Variants in KCNC1 observed in about 807,000 individuals in gnomAD.
The protein encoded by KCNC1 is voltage-gated potassium channel KCNC1.
In KCNC1, 8 loss-of-function variants were observed where a neutral mutation model predicts 43.4. That is an observed-to-expected ratio of 0.18 (90% CI 0.11 to 0.33). The LOEUF (loss-of-function observed/expected upper bound fraction) is 0.33. Ranked by LOEUF, KCNC1 falls within the 10% of genes least tolerant of loss-of-function variation. The probability of loss-of-function intolerance (pLI) is 1.00; values close to 1 mark genes in which losing one functional copy is unlikely to be tolerated. For missense variants in KCNC1, 420 were observed against 836.0 expected (o/e 0.50, Z 6.14); for synonymous variants, 361 against 360.5 (o/e 1.00, Z -0.01).
At chr11:17,769,444 G>C (rs1849196596) in intron 1 of KCNC1, among the ~76,000 whole-genome samples, 1 of 151,838 alleles carries the variant, frequency 6.6e-6, no homozygotes, top group Non-Finnish European at 1.5e-5. Flanking sequence ...AGAAGGGAGG[G>C]AGGATGAGTG....
chr11:17,744,605 C>T lies in KCNC1; in HGVS notation c.570+8033C>T, dbSNP rs1200831441. Among the ~76,000 whole-genome samples, 8 of 152,154 alleles carry T rather than the reference C, an allele frequency of 5.3e-5. No homozygotes were observed. The East Asian group carries it at 1.4e-3, about 26-fold the overall frequency. On this transcript the variant is annotated intron_variant, in intron 1 of 3. Coordinates refer to ENST00000265969, the MANE Select transcript of KCNC1 (RefSeq NM_001112741.2). ...TCCAGGCCCTTCTCTTCGCTTCCTGCCCTTAGGGAGCTGCAGAAAGGCCCA... is the reference window on the plus strand; with the variant it reads ...TCCAGGCCCTTCTCTTCGCTTCCTGTCCTTAGGGAGCTGCAGAAAGGCCCA...
chr11:17,746,455 C>G (rs1417512232), intron 1 of KCNC1, among the ~76,000 whole-genome samples: 6 of 152,204 alleles, frequency 3.9e-5, no homozygotes, highest in Admixed American at 3.9e-4. Context: ...CCGAGTCTGA[C>G]TTCTCCTGGA....
At position 17,772,631 on chromosome 11, in the gene KCNC1, C is replaced by T. The variant is rs767321731; in HGVS notation, c.1504+33C>T. 10 of 1,602,276 alleles carry T rather than the reference C, an allele frequency of 6.2e-6. No individual in the cohort carries two copies. Among genetic ancestry groups the T allele is most frequent in the Non-Finnish European group, 6.0e-6 (7 of 1,173,350 alleles). ...ACCTCTTAGAGGCATGTCGATCTGA[C>T]CTTTCACCTCTGCCCCCTGTAGCGA... On this transcript the variant is annotated intron_variant, in intron 2 of 3. Coordinates refer to ENST00000265969, the MANE Select transcript of KCNC1 (RefSeq NM_001112741.2).
At chr11:17,748,208 G>A (rs1012105) in intron 1 of KCNC1, among the ~76,000 whole-genome samples, 83,949 of 152,028 alleles carry the variant, frequency 0.55, 25,491 homozygotes, top group East Asian at 0.88. Flanking sequence ...CACTGTGAGC[G>A]CAGGTCATAT....
rs549590138 is a variant in KCNC1 at position 17,757,034 on chromosome 11, A to G, written c.571-14631A>G. Among the ~76,000 whole-genome samples, 3 of 152,322 alleles carry G rather than the reference A, an allele frequency of 2.0e-5. No homozygotes were observed. In the South Asian group the frequency reaches 6.2e-4, roughly 32 times the overall value. Reference sequence around the variant, plus strand: ...TTTAATCTGCAAAATGGAGGTAATGATGCCTCCTTCGGAGAGGCTTTTAAA... The same window carrying G: ...TTTAATCTGCAAAATGGAGGTAATGGTGCCTCCTTCGGAGAGGCTTTTAAA... On this transcript the variant is annotated intron_variant, in intron 1 of 3. Coordinates refer to ENST00000265969, the MANE Select transcript of KCNC1 (RefSeq NM_001112741.2).
intron 1 of KCNC1, among the ~76,000 whole-genome samples, chr11:17,757,199 G>A (rs1849032340): frequency 3.3e-5 from 4 of 121,860 alleles, no homozygotes; most frequent in Admixed American, 1.0e-4. Flanking sequence ...AGGGTAAAAT[G>A]TGCCATCCAT....
In KCNC1 at chr11:17,772,015, G is replaced by C; in HGVS notation, c.921G>C (p.Leu307=). 1 of 1,613,852 alleles carries C rather than the reference G, an allele frequency of 6.2e-7. No homozygotes were observed. The highest frequency in any genetic ancestry group is 1.1e-5 in the South Asian group (1 of 91,078). The change falls in exon 2 of 4, where the codon CTG becomes CTC. Residue 307 remains leucine (L), a synonymous_variant. Transcript: ENST00000265969. The stretch of plus-strand genomic sequence containing the variant: ...CCTCCAAGGCAGCCAAGGACGTGCT[G>C]GGCTTCCTGCGCGTCGTCCGCTTCG... ...GLSSKAAKDV[L]GFLRVVRFVR... is the part of the protein sequence containing the mutation.
chr11:17,779,412 AAC>A lies in KCNC1; in HGVS notation c.1505-42_1505-41del. Reference sequence around the variant, plus strand: ...GCCTGTCCCCCCCTGCCCCCCACTAAACAGTTTTCAGTGTCTCAATAGCTTCT... The same window carrying A: ...GCCTGTCCCCCCCTGCCCCCCACTAAAGTTTTCAGTGTCTCAATAGCTTCT... On this transcript the variant is annotated intron_variant, in intron 2 of 3. Transcript: ENST00000265969. This position sits in a 1 kb window ranked among gnomAD's most constrained non-coding sequence, Gnocchi z 7.2. The A allele has an allele frequency of 7.0e-7, 1 of 1,419,734 alleles. No homozygotes were observed. The highest frequency in any genetic ancestry group is 1.6e-5 in the South Asian group (1 of 63,646). 87.9% of individuals were successfully genotyped at this position (1,419,734 alleles called of 1,614,324 possible). A position where few individuals can be genotyped will look rare whatever the true frequency, so the allele number is the denominator to read the frequency against.
rs1338538303 is a variant in KCNC1, at chr11:17,734,959, C to G, written c.-1044C>G. On this transcript the variant is annotated 5_prime_UTR_variant, in exon 1 of 4. Transcript: ENST00000265969. ...CCTCCCCGCCCGACCTCCGCAGCCCCCGTCTCGGCCGGCAGCGCCCACCGC... is the reference window on the plus strand; with the variant it reads ...CCTCCCCGCCCGACCTCCGCAGCCCGCGTCTCGGCCGGCAGCGCCCACCGC... 1.3e-5 allele frequency: 2 copies of G among 151,186 alleles called. No individual in the cohort carries two copies. The highest frequency in any genetic ancestry group is 4.8e-5 in the African/African-American group (2 of 41,382). The allele number at this position is 151,186 out of a possible 1,614,324, so 9.4% of individuals were successfully genotyped here. A position where few individuals can be genotyped will look rare whatever the true frequency, so the allele number is the denominator to read the frequency against.
At chr11:17,738,307 A>T (rs1848794200) in intron 1 of KCNC1, among the ~76,000 whole-genome samples, 1 of 119,156 alleles carries the variant, frequency 8.4e-6, no homozygotes, top group Admixed American at 9.5e-5. Context: ...ATGTAACTGG[A>T]GGCTGTGGCT....
rs887180585 is a variant in KCNC1, at chr11:17,771,641, G to A, written c.571-24G>A. 6.3e-7 allele frequency: 1 copy of A among 1,583,126 alleles called. No individual in the cohort carries two copies. Among genetic ancestry groups the A allele is most frequent in the Non-Finnish European group, 8.6e-7 (1 of 1,158,870 alleles). On this transcript the variant is annotated intron_variant, in intron 1 of 3. Coordinates refer to ENST00000265969, the MANE Select transcript of KCNC1 (RefSeq NM_001112741.2). This position sits in a 1 kb window ranked among gnomAD's most constrained non-coding sequence, Gnocchi z 4.7. ...CTCCACTCTGGGTGGGCCTCCCTCT[G>A]ACACTGTGTCTTTATCCCCACAGTA...
Position 17,773,347 on chromosome 11 carries a change from G to A in KCNC1, c.1504+749G>A. 1 of 985,438 alleles carries A rather than the reference G, an allele frequency of 1.0e-6. No individual in the cohort carries two copies. Among genetic ancestry groups the A allele is most frequent in the Non-Finnish European group, 1.2e-6 (1 of 829,942 alleles). 61.0% of individuals were successfully genotyped at this position (985,438 alleles called of 1,614,324 possible). On this transcript the variant is annotated intron_variant, in intron 2 of 3. Coordinates refer to ENST00000265969, the MANE Select transcript of KCNC1 (RefSeq NM_001112741.2). The surrounding 1 kb of genome is among the most constrained non-coding windows in gnomAD (Gnocchi z 4.1). ...TTTCACGTTGTCTGTTTGGGTTGAT[G>A]GTCGAGTGGGAGTTTCCGGTGACCC...
At chr11:17,753,802 C>T (rs1848995073) in intron 1 of KCNC1, among the ~76,000 whole-genome samples, 1 of 152,196 alleles carries the variant, frequency 6.6e-6, no homozygotes, top group Non-Finnish European at 1.5e-5. Flanking sequence ...GGTCTCATCT[C>T]CTCACCATGT....
chr11:17,778,613 C>T (rs1376188472), intron 2 of KCNC1, among the ~76,000 whole-genome samples: 2 of 152,186 alleles, frequency 1.3e-5, no homozygotes. Context: ...GAGTGATCAG[C>T]TTGGGTCCGT....
In KCNC1 at chr11:17,771,782, G is replaced by C. The variant is rs1323463103; in HGVS notation, c.688G>C (p.Gly230Arg). The C allele has an allele frequency of 1.9e-6, 3 of 1,614,114 alleles. No homozygotes were observed. The African/African-American group carries it at 4.0e-5, about 22-fold the overall frequency. ...GACGGAGATCGAGAACGTTCGCAAT[G>C]GCACGCAAGTGCGCTACTACCGGGA... ...NKTEIENVRN[G>R]TQVRYYREAE... Residue 230 changes from glycine (G) to arginine (R), a missense_variant, in exon 2 of 4, where the codon GGC (glycine) becomes CGC (arginine). Coordinates refer to ENST00000265969, the MANE Select transcript of KCNC1 (RefSeq NM_001112741.2). The surrounding 1 kb of genome is among the most constrained non-coding windows in gnomAD (Gnocchi z 4.7).
chr11:17,759,091 C>G (rs1339490152), intron 1 of KCNC1, among the ~76,000 whole-genome samples: 1 of 152,262 alleles, frequency 6.6e-6, no homozygotes, highest in Non-Finnish European at 1.5e-5. Context: ...GTGATCTTAG[C>G]TAGATCTTCT....
chr11:17,742,435 C>T lies in KCNC1; in HGVS notation c.570+5863C>T, dbSNP rs773565089. On this transcript the variant is annotated intron_variant, in intron 1 of 3. Coordinates refer to ENST00000265969, the MANE Select transcript of KCNC1 (RefSeq NM_001112741.2). This position sits in a 1 kb window ranked among gnomAD's most constrained non-coding sequence, Gnocchi z 4.2. ...ATATAATGCCTCTGGCTATTCTGAG[C>T]GGTCTCATGACCAGGGGATTCACTC... Among the ~76,000 whole-genome samples the T allele has an allele frequency of 9.2e-5, 14 of 152,274 alleles. No individual in the cohort carries two copies. The highest frequency in any genetic ancestry group is 4.1e-4 in the South Asian group (2 of 4,824).
chr11:17,777,598 C>G lies in KCNC1; in HGVS notation c.1505-1858C>G. The G allele has an allele frequency of 1.0e-6, 1 of 985,892 alleles. No individual in the cohort carries two copies. Among genetic ancestry groups the G allele is most frequent in the South Asian group, 4.7e-5 (1 of 21,290 alleles). The allele number at this position is 985,892 out of a possible 1,614,324, so 61.1% of individuals were successfully genotyped here. A position where few individuals can be genotyped will look rare whatever the true frequency, so the allele number is the denominator to read the frequency against. On this transcript the variant is annotated intron_variant, in intron 2 of 3. Coordinates refer to ENST00000265969, the MANE Select transcript of KCNC1 (RefSeq NM_001112741.2). This position sits in a 1 kb window ranked among gnomAD's most constrained non-coding sequence, Gnocchi z 4.3. The stretch of plus-strand genomic sequence containing the variant: ...GTGTGCCTGCAGACATGCCCCAAGA[C>G]CCCAGAGACGCCCCGGCCCCAGTCA...
At position 17,773,444 on chromosome 11, in the gene KCNC1, G is replaced by C. The variant is rs1208550587; in HGVS notation, c.1504+846G>C. The C allele has an allele frequency of 1.0e-6, 1 of 984,816 alleles. No homozygotes were observed. The highest frequency in any genetic ancestry group is 6.2e-5 in the Admixed American group (1 of 16,206). The allele number at this position is 984,816 out of a possible 1,614,324, so 61.0% of individuals were successfully genotyped here. ...GGGCAGCTTAGATGAAAGCGCTACAGACCAGCAACAGCCTCCCACCGAGGG... is the reference window on the plus strand; with the variant it reads ...GGGCAGCTTAGATGAAAGCGCTACACACCAGCAACAGCCTCCCACCGAGGG... On this transcript the variant is annotated intron_variant, in intron 2 of 3. Transcript: ENST00000265969. This position sits in a 1 kb window ranked among gnomAD's most constrained non-coding sequence, Gnocchi z 4.1.
Sources: gnomAD v4.1 joint callset for allele counts (sites outside exome capture counted in the v4.1 genomes callset) on GRCh38, gnomAD v4.1.1 for gene constraint, Gnocchi (gnomAD v3.1) non-coding constraint, MANE v1.5 for transcripts, NCBI Gene and HGNC (gene_info 2026-07-23, HGNC 2026-07-21) for gene names.